The following RGMB variants were observed in gnomAD, a reference collection of about 807,000 sequenced individuals.
RGMB encodes repulsive guidance molecule BMP co-receptor b, also known as repulsive guidance molecule B.
In RGMB, 16 loss-of-function variants were observed where a neutral mutation model predicts 26.9. The ratio of observed to expected loss-of-function variants is 0.60; its 90% CI spans 0.40 to 0.90. The LOEUF (loss-of-function observed/expected upper bound fraction) is 0.90. Among genes scored for constraint, RGMB ranks in the 40% least tolerant of loss-of-function variants. RGMB has a pLI of 0.00. For missense variants in RGMB, 512 were observed against 573.3 expected, an observed-to-expected ratio of 0.89 and a Z score of 1.09; for synonymous variants, 225 against 229.3, an observed-to-expected ratio of 0.98 and a Z score of 0.17.
chr5:98,774,226 G>C lies in RGMB; in HGVS notation c.136+20G>C. ...ACGCAGGTAGGACGGGAGCGCGCGA[G>C]GGGAGCCAGCCCCGGGGCCTAGGGC... On this transcript the variant is annotated intron_variant, in intron 1 of 2. Coordinates refer to ENST00000513185, the MANE Select transcript of RGMB (RefSeq NM_001366508.1). 7.1e-7 allele frequency: 1 copy of C among 1,404,094 alleles called. No individual in the cohort carries two copies. The highest frequency in any genetic ancestry group is 9.2e-7 in the Non-Finnish European group (1 of 1,085,844). 87.0% of individuals were successfully genotyped at this position (1,404,094 alleles called of 1,614,324 possible).
intron 2 of RGMB, among the ~76,000 whole-genome samples, chr5:98,787,647 T>C (rs1397617321): frequency 6.6e-6 from 1 of 152,210 alleles, no homozygotes; most frequent in Admixed American, 6.5e-5. Context: ...ACAGACAAGC[T>C]AAGGGAGAGG....
Position 98,791,802 on chromosome 5 carries a change from C to T in RGMB, c.646-1283C>T, listed in dbSNP as rs144336160. Among the ~76,000 whole-genome samples the T allele has an allele frequency of 3.7e-3, 568 of 152,318 alleles. 3 individuals carry two copies. The highest frequency in any genetic ancestry group is 0.013 in the African/African-American group (536 of 41,574). Reference sequence around the variant, plus strand: ...ATCATAGTTGTCTTCCCTCCACCACCTGTACCAGAGATGTTGGATATGTTG... The same window carrying T: ...ATCATAGTTGTCTTCCCTCCACCACTTGTACCAGAGATGTTGGATATGTTG... On this transcript the variant is annotated intron_variant, in intron 2 of 2. Transcript: ENST00000513185.
chr5:98,796,090 G>T lies in RGMB; in HGVS notation c.*2337G>T, dbSNP rs1435014007. On this transcript the variant is annotated 3_prime_UTR_variant, in exon 3 of 3. Transcript: ENST00000513185. ...TTCAGAAATAGATGTATTTCTCTACGTAAGGGCCAGGTTTATTTTCTCCTT... is the reference window on the plus strand; with the variant it reads ...TTCAGAAATAGATGTATTTCTCTACTTAAGGGCCAGGTTTATTTTCTCCTT... 2 of 152,134 alleles carry T rather than the reference G, an allele frequency of 1.3e-5. No homozygotes were observed. Among genetic ancestry groups the T allele is most frequent in the Non-Finnish European group, 2.9e-5 (2 of 68,014 alleles). The allele number at this position is 152,134 out of a possible 1,614,324, so 9.4% of individuals were successfully genotyped here.
In RGMB at chr5:98,793,290, A is replaced by T. The variant is rs751471799; in HGVS notation, c.851A>T (p.Gln284Leu). 6.2e-7 allele frequency: 1 copy of T among 1,613,860 alleles called. No homozygotes were observed. Among genetic ancestry groups the T allele is most frequent in the South Asian group, 1.1e-5 (1 of 91,038 alleles). ...ATAGGGACCACAGTGTTTGTGCGGC[A>T]GGTGGGTCGCTACCTGACCCTTGCC... is the stretch of plus-strand genomic sequence containing the variant. The part of the protein sequence containing the change: ...RYIGTTVFVR[Q>L]VGRYLTLAIR... Residue 284 changes from glutamine to leucine, a missense_variant, in exon 3 of 3, where the codon CAG becomes CTG. Physicochemically the swap from Gln to Leu is moderately radical, Grantham distance 113 (BLOSUM62 -2). Coordinates refer to ENST00000513185, the MANE Select transcript of RGMB (RefSeq NM_001366508.1).
chr5:98,774,042 C>T lies in RGMB; in HGVS notation c.-29C>T, dbSNP rs969052170. The T allele has an allele frequency of 1.2e-5, 9 of 780,178 alleles. No homozygotes were observed. The highest frequency in any genetic ancestry group is 9.2e-5 in the African/African-American group (5 of 54,406). 48.3% of individuals were successfully genotyped at this position (780,178 alleles called of 1,614,324 possible). A position where few individuals can be genotyped will look rare whatever the true frequency, so the allele number is the denominator to read the frequency against. Reference sequence around the variant, plus strand: ...ACGGCGCCCGCGCCGCCGCCCTCGCCGGAGCCCACGAGACCTGCATGGACG... The same window carrying T: ...ACGGCGCCCGCGCCGCCGCCCTCGCTGGAGCCCACGAGACCTGCATGGACG... On this transcript the variant is annotated 5_prime_UTR_variant, in exon 1 of 3. Coordinates refer to ENST00000513185, the MANE Select transcript of RGMB (RefSeq NM_001366508.1).
chr5:98,774,251 C>T (rs1746305936), intron 1 of RGMB, 45 bp downstream of exon 1: 1 of 1,351,882 alleles, frequency 7.4e-7, no homozygotes, highest in African/African-American at 1.5e-5. Flanking sequence ...GGGCCTAGGG[C>T]TTTGTTCCCA....
In RGMB at chr5:98,793,720, A is replaced by C; in HGVS notation, c.1281A>C (p.Gly427=). The change falls in exon 3 of 3, where the codon GGA becomes GGC. Residue 427 remains glycine (G), a synonymous_variant. Coordinates refer to ENST00000513185, the MANE Select transcript of RGMB (RefSeq NM_001366508.1). ...RGGSDLSVSL[G]LTCLILIVFL ...GCAGTGATTTGTCTGTCAGTCTAGG[A>C]CTCACCTGCTTGATCCTTATCGTGT... 6.2e-7 allele frequency: 1 copy of C among 1,600,912 alleles called. No individual in the cohort carries two copies. The highest frequency in any genetic ancestry group is 8.5e-7 in the Non-Finnish European group (1 of 1,173,488).
intron 1 of RGMB, 73 bp from the exon 2 acceptor site, chr5:98,779,507 A>T (rs185477257): frequency 8.7e-6 from 12 of 1,384,746 alleles, no homozygotes; most frequent in Admixed American, 4.9e-5. Context: ...CCAAAGAACA[A>T]TGTGATTTTC....
intron 2 of RGMB, among the ~76,000 whole-genome samples, chr5:98,782,121 A>G (rs1231153870): frequency 6.6e-6 from 1 of 152,210 alleles, no homozygotes; most frequent in East Asian, 1.9e-4. Context: ...GCAGCAAACT[A>G]TTCTGTAGCC....
At chr5:98,777,212 G>A (rs1488458834) in intron 1 of RGMB, among the ~76,000 whole-genome samples, 3 of 151,874 alleles carry the variant, frequency 2.0e-5, no homozygotes, top group Non-Finnish European at 4.4e-5. Flanking sequence ...CATACTGTTC[G>A]TTTGATATTT....
In RGMB at chr5:98,793,850, A is replaced by G; in HGVS notation, c.*97A>G. 1.1e-6 allele frequency: 1 copy of G among 916,452 alleles called. No homozygotes were observed. Among genetic ancestry groups the G allele is most frequent in the Non-Finnish European group, 1.6e-6 (1 of 626,328 alleles). 56.8% of individuals were successfully genotyped at this position (916,452 alleles called of 1,614,324 possible). ...ATTGAGTAAAAGAGTATATATGTAT[A>G]TACCATGTATATGACAGGATGTTTG... On this transcript the variant is annotated 3_prime_UTR_variant, in exon 3 of 3. Coordinates refer to ENST00000513185, the MANE Select transcript of RGMB (RefSeq NM_001366508.1).
At chr5:98,777,260 C>T (rs189358744) in intron 1 of RGMB, among the ~76,000 whole-genome samples, 4 of 152,140 alleles carry the variant, frequency 2.6e-5, no homozygotes, top group Admixed American at 6.5e-5. Flanking sequence ...AACGTATGCT[C>T]GGATAGATTT....
upstream of RGMB, chr5:98,770,662 G>A: frequency 1.4e-6 from 2 of 1,470,864 alleles, no homozygotes; most frequent in South Asian, 1.4e-5. Context: ...GAGCGAAAGG[G>A]TTAAGAATGA....
intron 2 of RGMB, among the ~76,000 whole-genome samples, chr5:98,790,585 G>GA (rs1259018663): frequency 6.6e-6 from 1 of 152,100 alleles, no homozygotes; most frequent in Non-Finnish European, 1.5e-5. Flanking sequence ...TGTGCTTAAT[G>GA]AAAAAAACAG....
chr5:98,783,257 C>A (rs902924342), intron 2 of RGMB, among the ~76,000 whole-genome samples: 1 of 152,160 alleles, frequency 6.6e-6, no homozygotes, highest in African/African-American at 2.4e-5. Context: ...CATCTCTCCA[C>A]CCCGGGGGCT....
Position 98,794,229 on chromosome 5 carries a change from C to T in RGMB, c.*476C>T, listed in dbSNP as rs1747044092. On this transcript the variant is annotated 3_prime_UTR_variant, in exon 3 of 3. Transcript: ENST00000513185. ...CACCTTCCGGTGGAGCTGCCTCGTT[C>T]CTTTGAACTATGCCCTCACCCTTCT... The T allele has an allele frequency of 1.3e-5, 2 of 153,104 alleles. 1 individual carries two copies. The highest frequency in any genetic ancestry group is 4.1e-4 in the South Asian group (2 of 4,850). 9.5% of individuals were successfully genotyped at this position (153,104 alleles called of 1,614,324 possible).
intron 2 of RGMB, among the ~76,000 whole-genome samples, chr5:98,788,449 C>G (rs182027185): frequency 6.6e-6 from 1 of 152,144 alleles, no homozygotes; most frequent in East Asian, 1.9e-4. Flanking sequence ...TCAATGACAT[C>G]AAGTATTTTC....
At chr5:98,775,118 C>T (rs191028768) in intron 1 of RGMB, among the ~76,000 whole-genome samples, 2 of 152,136 alleles carry the variant, frequency 1.3e-5, no homozygotes, top group South Asian at 2.1e-4. Flanking sequence ...GTTTCTTTTC[C>T]TTCCAGACCT....
rs1747017559 is a variant in RGMB at position 98,793,669 on chromosome 5, C to T, written c.1230C>T (p.Ser410=). 6.2e-7 allele frequency: 1 copy of T among 1,613,654 alleles called. No homozygotes were observed. Among genetic ancestry groups the T allele is most frequent in the African/African-American group, 1.3e-5 (1 of 74,946 alleles). Residue 410 remains serine (S), a synonymous_variant, in exon 3 of 3, where the codon AGC becomes AGT. Coordinates refer to ENST00000513185, the MANE Select transcript of RGMB (RefSeq NM_001366508.1). ...AGGAACGCTGGCACATTTTCCCCAG[C>T]AGTGGCAATGGGACTCCCCGTGGAG... ...PRKERWHIFP[S]SGNGTPRGGS... is the part of the protein sequence containing the mutation.
Sources: gnomAD v4.1 joint callset for allele counts (sites outside exome capture counted in the v4.1 genomes callset) on GRCh38, gnomAD v4.1.1 for gene constraint, MANE v1.5 for transcripts, NCBI Gene and HGNC (gene_info 2026-07-23, HGNC 2026-07-21) for gene names.